Variants in CUX1 observed in about 807,000 individuals in gnomAD.
The protein encoded by CUX1 is cut like homeobox 1, also known as protein CASP.
Under a neutral mutation model 158.8 loss-of-function variants are expected in CUX1, and 31 were observed. The observed-to-expected ratio is 0.20, with a 90% confidence interval of 0.15 to 0.26. The LOEUF (loss-of-function observed/expected upper bound fraction) is 0.26, where lower values mean the gene tolerates loss of function less well. CUX1 is among the 10% of genes least tolerant of loss of function. The pLI is 1.00. For synonymous variants in CUX1, 879 were observed against 862.1 expected (o/e 1.02, Z -0.34); for missense variants, 1,589 against 2,014.6 (o/e 0.79, Z 4.04).
intron 9 of CUX1, among the ~76,000 whole-genome samples, chr7:102,167,759 T>C (rs1791212561): frequency 6.6e-6 from 1 of 152,196 alleles, no homozygotes; most frequent in Non-Finnish European, 1.5e-5. Flanking sequence ...ATCTTTTTTG[T>C]TGAAGAGGAC....
chr7:102,146,673 C>T (rs1227642734), intron 8 of CUX1, among the ~76,000 whole-genome samples: 2 of 152,174 alleles, frequency 1.3e-5, no homozygotes, highest in Admixed American at 1.3e-4. Flanking sequence ...TCTCGGCTCA[C>T]TGTAACTTCC....
At chr7:102,096,835 G>A (rs994219989) in intron 4 of CUX1, among the ~76,000 whole-genome samples, 2 of 152,188 alleles carry the variant, frequency 1.3e-5, no homozygotes, top group Non-Finnish European at 2.9e-5. Flanking sequence ...TAGTTTCTGA[G>A]GCCTCTTTCT....
At chr7:102,062,272 T>C (rs922083079) in intron 3 of CUX1, among the ~76,000 whole-genome samples, 18 of 152,206 alleles carry the variant, frequency 1.2e-4, no homozygotes, top group Admixed American at 3.9e-4. Context: ...GTGTGACGCC[T>C]CCTCCAGGGA....
At chr7:102,229,113 C>A (rs896007763) in intron 21 of CUX1, among the ~76,000 whole-genome samples, 4 of 152,188 alleles carry the variant, frequency 2.6e-5, no homozygotes, top group African/African-American at 9.6e-5. Context: ...CTCCATTTCA[C>A]AGCCCACAGC....
At chr7:102,244,667 G>A (rs950984719) in intron 23 of CUX1, among the ~76,000 whole-genome samples, 3 of 152,010 alleles carry the variant, frequency 2.0e-5, no homozygotes, top group Non-Finnish European at 4.4e-5. Context: ...TCCAGCCTGG[G>A]GAACAGAGCA....
chr7:101,867,047 G>T (rs749117943), intron 1 of CUX1, among the ~76,000 whole-genome samples: 1 of 152,072 alleles, frequency 6.6e-6, no homozygotes, highest in African/African-American at 2.4e-5. Flanking sequence ...ATGGCGAAAC[G>T]CCATCTCTAC....
At chr7:101,912,936 A>G (rs532270428) in intron 1 of CUX1, among the ~76,000 whole-genome samples, 5 of 152,160 alleles carry the variant, frequency 3.3e-5, no homozygotes, top group Admixed American at 2.0e-4. Flanking sequence ...AGGCCTCTGC[A>G]TTTGGGACCC....
At chr7:101,932,541 T>C (rs539807832) in intron 2 of CUX1, 3 of 453,334 alleles carry the variant, frequency 6.6e-6, no homozygotes, top group South Asian at 4.7e-5. Flanking sequence ...CTTTTGAAGA[T>C]GACCATTTGT....
At chr7:102,216,625 A>ACG (rs1563425553) in intron 20 of CUX1, among the ~76,000 whole-genome samples, 8 of 92,802 alleles carry the variant, frequency 8.6e-5, no homozygotes, top group Non-Finnish European at 1.1e-4. Context: ...CTCCCCACAC[A>ACG]CACACCCCCA....
At chr7:101,992,903 G>A (rs1815334280) in intron 2 of CUX1, among the ~76,000 whole-genome samples, 1 of 151,970 alleles carries the variant, frequency 6.6e-6, no homozygotes, top group African/African-American at 2.4e-5. Flanking sequence ...ATACGTCTGT[G>A]ACACAGTCTC....
intron 1 of CUX1, among the ~76,000 whole-genome samples, chr7:101,912,499 ATAGT>A (rs986595108): frequency 6.6e-6 from 1 of 152,074 alleles, no homozygotes; most frequent in Admixed American, 6.5e-5. Context: ...GTAAAAATTA[ATAGT>A]TAGTGCAGTT....
At chr7:102,112,998 A>G (rs1254131416) in intron 7 of CUX1, among the ~76,000 whole-genome samples, 1 of 152,206 alleles carries the variant, frequency 6.6e-6, no homozygotes, top group East Asian at 1.9e-4. Flanking sequence ...GGGAGAAAAT[A>G]ATCACCACAA....
At chr7:102,067,189 A>T (rs1178220971) in intron 3 of CUX1, among the ~76,000 whole-genome samples, 2 of 145,532 alleles carry the variant, frequency 1.4e-5, no homozygotes, top group Non-Finnish European at 3.0e-5. Flanking sequence ...TGTATAATAC[A>T]TCTGTCTCTT....
At chr7:102,243,761 T>C (rs910830476) in intron 23 of CUX1, among the ~76,000 whole-genome samples, 3 of 151,234 alleles carry the variant, frequency 2.0e-5, no homozygotes, top group South Asian at 2.1e-4. Context: ...GGCTTGGTGG[T>C]TCACGCCTAT....
At chr7:101,827,304 TTTTCC>T in intron 1 of CUX1, among the ~76,000 whole-genome samples, 1 of 147,434 alleles carries the variant, frequency 6.8e-6, no homozygotes, top group South Asian at 2.2e-4. Flanking sequence ...TTTTCTTTTC[TTTTCC>T]TTTCCCTTCC....
In CUX1 at chr7:102,202,085, C is replaced by A. The variant is rs782752832; in HGVS notation, c.2788C>A (p.Leu930Met). ...SKPTKPSVPPLTPEQYEVYMY... is the reference protein window; with the variant it reads ...SKPTKPSVPPMTPEQYEVYMY... ...GCCCACCAAGCCCTCGGTCCCCCCG[C>A]TGACCCCCGAGCAGTACGAGGTCTA... The change falls in exon 18 of 24, where the codon CTG (leucine) becomes ATG (methionine). Residue 930 changes from leucine (L) to methionine (M), a missense_variant. By Grantham distance (15) the Leu-to-Met change is conservative. Around this residue, in one of 8 missense-constraint regions of CUX1, gnomAD observed 337 missense variants for 409.3 expected, o/e 0.82. Transcript: ENST00000292535. The A allele has an allele frequency of 6.2e-7, 1 of 1,614,044 alleles. No individual in the cohort carries two copies. The highest frequency in any genetic ancestry group is 1.3e-5 in the African/African-American group (1 of 74,912).
rs781794788 is a variant in CUX1, at chr7:102,201,613, G to C, written c.2316G>C (p.Glu772Asp). The C allele has an allele frequency of 6.2e-7, 1 of 1,613,972 alleles. No individual in the cohort carries two copies. Among genetic ancestry groups the C allele is most frequent in the South Asian group, 1.1e-5 (1 of 91,080 alleles). Residue 772 changes from glutamate (E) to aspartate (D), a missense_variant, in exon 18 of 24, where the codon GAG (glutamate) becomes GAC (aspartate). Physicochemically the swap from Glu to Asp is conservative, Grantham distance 45. Transcript: ENST00000292535. This position sits in a 1 kb window ranked among gnomAD's most constrained non-coding sequence, Gnocchi z 5.0. Reference sequence around the variant, plus strand: ...TGAAGAAGCCCTCCGCAGCTCCTGAGGCCGGTGCCTCTGCTCTGCCGAACC... The same window carrying C: ...TGAAGAAGCCCTCCGCAGCTCCTGACGCCGGTGCCTCTGCTCTGCCGAACC... Reference protein sequence around the residue: ...ISLKKPSAAPEAGASALPNPP... With the variant: ...ISLKKPSAAPDAGASALPNPP...
At chr7:102,118,364 C>T (rs990722567) in intron 8 of CUX1, among the ~76,000 whole-genome samples, 2 of 152,074 alleles carry the variant, frequency 1.3e-5, no homozygotes, top group African/African-American at 4.8e-5. Flanking sequence ...ATGGCAAAAG[C>T]CTGTCTCTAC....
intron 3 of CUX1, among the ~76,000 whole-genome samples, chr7:102,029,785 A>G (rs1037219909): frequency 2.6e-5 from 4 of 152,070 alleles, no homozygotes; most frequent in Admixed American, 2.0e-4. Flanking sequence ...TCAGAACTTC[A>G]TCTCCAAGCC....
Sources: gnomAD v4.1 joint callset for allele counts (sites outside exome capture counted in the v4.1 genomes callset) on GRCh38, gnomAD v4.1.1 for gene constraint, gnomAD v4.1.1 regional missense constraint, Gnocchi (gnomAD v3.1) non-coding constraint, MANE v1.5 for transcripts, NCBI Gene and HGNC (gene_info 2026-07-23, HGNC 2026-07-21) for gene names.